Variants in AADAT observed in about 807,000 individuals in gnomAD.
AADAT encodes kynurenine/alpha-aminoadipate aminotransferase, mitochondrial.
In AADAT, 25 loss-of-function variants were observed where a neutral mutation model predicts 56.2. The observed-to-expected ratio is 0.44, with a 90% CI of 0.32 to 0.62. The LOEUF (loss-of-function observed/expected upper bound fraction) is 0.62. Ranked by LOEUF, AADAT falls within the 20% of genes least tolerant of loss-of-function variation. The probability of loss-of-function intolerance (pLI) is 0.04; values close to 1 mark genes in which losing one functional copy is unlikely to be tolerated. For synonymous variants in AADAT, 173 were observed against 164.7 expected, an observed-to-expected ratio of 1.05 and a Z score of -0.39; for missense variants, 387 against 510.5, an observed-to-expected ratio of 0.76 and a Z score of 2.33.
intron 4 of AADAT, among the ~76,000 whole-genome samples, chr4:170,075,600 C>T (rs1020383957): frequency 1.3e-5 from 2 of 152,222 alleles, no homozygotes; most frequent in African/African-American, 4.8e-5. Flanking sequence ...TGAGCCACCT[C>T]GTCTAGTCCA....
chr4:170,082,642 G>C (rs1420399892), intron 3 of AADAT, among the ~76,000 whole-genome samples: 1 of 152,100 alleles, frequency 6.6e-6, no homozygotes, highest in Non-Finnish European at 1.5e-5. Context: ...TGGAGTGGCT[G>C]AGTGGATAAA....
chr4:170,087,165 C>T lies in AADAT; in HGVS notation c.320G>A (p.Gly107Glu). The T allele has an allele frequency of 3.1e-6, 5 of 1,614,118 alleles. No homozygotes were observed. The highest frequency in any genetic ancestry group is 4.2e-6 in the Non-Finnish European group (5 of 1,180,022). ...PPTIHYPPSQ[G>E]QMDLCVTSGS... is the part of the protein sequence containing the mutation. Reference sequence around the variant, plus strand: ...AGATGTGACACATAGATCCATTTGTCCTTGACTGGGTGGGTAATGGATGGT... The same window carrying T: ...AGATGTGACACATAGATCCATTTGTTCTTGACTGGGTGGGTAATGGATGGT... The change falls in exon 3 of 13, where the codon GGA (glycine) becomes GAA (glutamate). Residue 107 changes from glycine to glutamate, a missense_variant. Transcript: ENST00000337664.
At chr4:170,069,668 G>C (rs1006618918) in intron 6 of AADAT, among the ~76,000 whole-genome samples, 1 of 152,150 alleles carries the variant, frequency 6.6e-6, no homozygotes, top group Non-Finnish European at 1.5e-5. Context: ...AAAGAAAAAT[G>C]ATGAGAATGA....
Position 170,067,397 on chromosome 4 carries a change from G to C in AADAT, c.901-9C>G. ...AGCTGTGATATCATGAGCTAAAAGA[G>C]ATAAAATCATAAATACCATGTTTCA... is the stretch of plus-strand genomic sequence containing the variant. On this transcript the variant is annotated splice_polypyrimidine_tract_variant and intron_variant, in intron 8 of 12. Coordinates refer to ENST00000337664, the MANE Select transcript of AADAT (RefSeq NM_016228.4). 1 of 1,610,028 alleles carries C rather than the reference G, an allele frequency of 6.2e-7. No homozygotes were observed. The highest frequency in any genetic ancestry group is 8.5e-7 in the Non-Finnish European group (1 of 1,177,876).
chr4:170,072,377 C>T (rs1441447793), intron 5 of AADAT, among the ~76,000 whole-genome samples: 1 of 152,052 alleles, frequency 6.6e-6, no homozygotes, highest in Non-Finnish European at 1.5e-5. Context: ...CTCAAGCATC[C>T]TCCCACCTCA....
intron 9 of AADAT, 46 bp downstream of exon 9, chr4:170,067,281 T>C: frequency 2.8e-6 from 4 of 1,427,970 alleles, no homozygotes; most frequent in East Asian, 2.3e-5. Context: ...CTATGTTCAC[T>C]GGGCTCCTGT....
chr4:170,089,161 A>T, intron 1 of AADAT: 1 of 281,598 alleles, frequency 3.6e-6, no homozygotes, highest in Non-Finnish European at 7.0e-6. Context: ...GAGAAGGCAG[A>T]GGGATCAGAA....
chr4:170,093,776 C>T (rs115532135), upstream of AADAT, among the ~76,000 whole-genome samples: 2,077 of 152,122 alleles, frequency 0.014, 25 homozygotes, highest in Non-Finnish European at 0.021. Flanking sequence ...TTTAAAATAC[C>T]TTGTAGAGAC....
At chr4:170,080,142 T>C (rs984055609) in intron 3 of AADAT, among the ~76,000 whole-genome samples, 1 of 152,002 alleles carries the variant, frequency 6.6e-6, no homozygotes, top group African/African-American at 2.4e-5. Context: ...CTTCATTCCC[T>C]CCCACAAAAC....
intron 3 of AADAT, among the ~76,000 whole-genome samples, chr4:170,082,529 C>G (rs1440354560): frequency 6.6e-6 from 1 of 152,024 alleles, no homozygotes; most frequent in East Asian, 1.9e-4. Flanking sequence ...AGAGAGGAGT[C>G]TCAAAACAAC....
intron 4 of AADAT, among the ~76,000 whole-genome samples, chr4:170,076,538 A>G (rs1732043396): frequency 6.6e-6 from 1 of 152,064 alleles, no homozygotes; most frequent in African/African-American, 2.4e-5. Flanking sequence ...TGTCTATTTA[A>G]GTCCTTTGTC....
In AADAT at chr4:170,073,212, A is replaced by G; in HGVS notation, c.578T>C (p.Phe193Ser). Residue 193 changes from phenylalanine (F) to serine (S), a missense_variant, in exon 5 of 13, where the codon TTT (phenylalanine) becomes TCT (serine). By Grantham distance (155) the Phe-to-Ser change is radical. Coordinates refer to ENST00000337664, the MANE Select transcript of AADAT (RefSeq NM_016228.4). ...GTTGCCATTTGGAACAGTATAAAGA[A>G]ATTTGGGGGTGTTTTTCTGGGGATT... is the stretch of plus-strand genomic sequence containing the variant. Reference protein sequence around the residue: ...AKNPQKNTPKFLYTVPNGNNP... With the variant: ...AKNPQKNTPKSLYTVPNGNNP... 1 of 1,614,058 alleles carries G rather than the reference A, an allele frequency of 6.2e-7. No homozygotes were observed. Among genetic ancestry groups the G allele is most frequent in the South Asian group, 1.1e-5 (1 of 91,072 alleles).
At chr4:170,064,000 T>C (rs1731321811) in intron 11 of AADAT, among the ~76,000 whole-genome samples, 5 of 151,880 alleles carry the variant, frequency 3.3e-5, no homozygotes, top group Admixed American at 1.3e-4. Flanking sequence ...GAGCTAATTT[T>C]AAGTGAAAAA....
chr4:170,066,246 G>C (rs955876267), intron 10 of AADAT, among the ~76,000 whole-genome samples, 168 bp downstream of exon 10: 2 of 151,966 alleles, frequency 1.3e-5, no homozygotes, highest in Non-Finnish European at 2.9e-5. Flanking sequence ...TCTGTGCCCA[G>C]GTTTATCAAA....
chr4:170,067,041 A>G (rs1731501829), intron 9 of AADAT, among the ~76,000 whole-genome samples: 1 of 152,216 alleles, frequency 6.6e-6, no homozygotes, highest in African/African-American at 2.4e-5. Context: ...TATGAAGTTT[A>G]CCCATTACAT....
chr4:170,081,760 G>A (rs919416274), intron 3 of AADAT, among the ~76,000 whole-genome samples: 1 of 152,046 alleles, frequency 6.6e-6, no homozygotes, highest in African/African-American at 2.4e-5. Context: ...GGCTGGGCTC[G>A]AACTCCTGGC....
chr4:170,070,787 C>T lies in AADAT; in HGVS notation c.655-135G>A, dbSNP rs2054555. 0.057 allele frequency: 33,932 copies of T among 600,048 alleles called. 1,232 individuals carry two copies. The highest frequency in any genetic ancestry group is 0.074 in the Non-Finnish European group (26,673 of 359,372). 37.2% of individuals were successfully genotyped at this position (600,048 alleles called of 1,614,324 possible). ...ACTGTGTGTCTATTGTCTTAGACAA[C>T]GAGGATAAAAAGAGGAACAAGGCAT... is the stretch of plus-strand genomic sequence containing the variant. On this transcript the variant is annotated intron_variant, in intron 5 of 12. Coordinates refer to ENST00000337664, the MANE Select transcript of AADAT (RefSeq NM_016228.4).
chr4:170,067,556 T>C (rs1731530341), intron 8 of AADAT, among the ~76,000 whole-genome samples, 168 bp from the exon 9 acceptor site: 2 of 151,780 alleles, frequency 1.3e-5, no homozygotes, highest in Admixed American at 1.3e-4. Context: ...TTAATAACAA[T>C]GATAATACTA....
chr4:170,072,727 A>G (rs1419911860), intron 5 of AADAT, among the ~76,000 whole-genome samples: 3 of 152,200 alleles, frequency 2.0e-5, no homozygotes, highest in Non-Finnish European at 4.4e-5. Flanking sequence ...TCTCAAATAG[A>G]TTTTATGAAA....
Sources: allele counts gnomAD v4.1 joint callset (sites outside exome capture counted in the v4.1 genomes callset), GRCh38; gene constraint gnomAD v4.1.1; transcripts MANE v1.5; gene names NCBI Gene and HGNC (gene_info 2026-07-23, HGNC 2026-07-21).